Variants in FANCC observed in about 807,000 individuals in gnomAD.
FANCC encodes FA complementation group C, also known as Fanconi anemia group C protein.
Under a neutral mutation model 71.3 loss-of-function variants are expected in FANCC, and 55 were observed. That is an observed-to-expected ratio of 0.77 (90% confidence interval 0.62 to 0.97). The LOEUF (loss-of-function observed/expected upper bound fraction) is 0.97. Among genes scored for constraint, FANCC ranks in the 50% least tolerant of loss-of-function variants. The pLI is 0.00. For missense variants in FANCC, 678 were observed against 670.9 expected (o/e 1.01, Z -0.12); for synonymous variants, 275 against 244.9 (o/e 1.12, Z -1.15).
At chr9:95,117,723 ATTTTTTT>A (rs33935721) in intron 10 of FANCC, among the ~76,000 whole-genome samples, 3 of 136,822 alleles carry the variant, frequency 2.2e-5, no homozygotes, top group Non-Finnish European at 4.7e-5. Context: ...GTATTTCAGC[ATTTTTTT>A]TTTTTTTTTT....
intron 6 of FANCC, among the ~76,000 whole-genome samples, chr9:95,161,567 T>A (rs1830748141): frequency 6.6e-6 from 1 of 152,232 alleles, no homozygotes; most frequent in Non-Finnish European, 1.5e-5. Context: ...GTCTAACTGA[T>A]GTTGTTAGTT....
chr9:95,104,035 G>A lies in FANCC; in HGVS notation c.1534-2185C>T, dbSNP rs115295441. On this transcript the variant is annotated intron_variant, in intron 14 of 14. Coordinates refer to ENST00000289081, the MANE Select transcript of FANCC (RefSeq NM_000136.3). Reference sequence around the variant, plus strand: ...TGAGGGTGGAGAGACCCAAGCTGTAGGAGGGAAAGGCCGTCCCACCAAAGC... The same window carrying A: ...TGAGGGTGGAGAGACCCAAGCTGTAAGAGGGAAAGGCCGTCCCACCAAAGC... 1.4e-3 allele frequency among the ~76,000 whole-genome samples: 211 copies of A among 152,284 alleles called. 1 individual carries two copies. Among genetic ancestry groups the A allele is most frequent in the African/African-American group, 4.9e-3 (204 of 41,562 alleles).
chr9:95,259,508 G>A (rs1416864604), intron 1 of FANCC, among the ~76,000 whole-genome samples: 2 of 152,122 alleles, frequency 1.3e-5, no homozygotes, highest in African/African-American at 2.4e-5. Flanking sequence ...ACTGAATTAG[G>A]ACCCCTTCCT....
Position 95,170,396 on chromosome 9 carries a change from C to CAA in FANCC, c.521+681_521+682dup, listed in dbSNP as rs1263047970. On this transcript the variant is annotated intron_variant, in intron 6 of 14. Transcript: ENST00000289081. ...AGAGCTTGAATTAGCAATAGCTTTA[C>CAA]AAAAAAAAAAAAAAATCACCAAGTC... 3.2e-4 allele frequency among the ~76,000 whole-genome samples: 35 copies of CAA among 108,740 alleles called. 1 individual carries two copies. The highest frequency in any genetic ancestry group is 1.1e-3 in the Admixed American group (12 of 10,504). The allele number at this position is 108,740 out of a possible 152,430, so 71.3% of individuals were successfully genotyped here. A position where few individuals can be genotyped will look rare whatever the true frequency, so the allele number is the denominator to read the frequency against.
chr9:95,229,493 A>T (rs1829856648), intron 4 of FANCC, among the ~76,000 whole-genome samples: 1 of 152,070 alleles, frequency 6.6e-6, no homozygotes, highest in Non-Finnish European at 1.5e-5. Context: ...ACTTGAGGTG[A>T]GATGGGAGAG....
chr9:95,141,015 A>G (rs1828571009), intron 7 of FANCC, among the ~76,000 whole-genome samples: 1 of 152,144 alleles, frequency 6.6e-6, no homozygotes, highest in Admixed American at 6.5e-5. Context: ...TTAAGGTTAA[A>G]AAAACAGGAT....
chr9:95,123,218 G>A (rs1191782778), intron 10 of FANCC: 2 of 205,344 alleles, frequency 9.7e-6, no homozygotes, highest in African/African-American at 2.4e-5. Context: ...TGGGGGGATC[G>A]CTTGAGCCCA....
intron 4 of FANCC, among the ~76,000 whole-genome samples, chr9:95,197,666 C>T (rs1564744290): frequency 6.6e-6 from 1 of 152,212 alleles, no homozygotes; most frequent in Non-Finnish European, 1.5e-5. Context: ...ATGGCCCTCA[C>T]AGTCTGCAGG....
chr9:95,233,851 G>A (rs953711265), intron 4 of FANCC, among the ~76,000 whole-genome samples: 2 of 152,126 alleles, frequency 1.3e-5, no homozygotes, highest in Non-Finnish European at 2.9e-5. Context: ...CTCACACTAC[G>A]ACCTTAGCCA....
chr9:95,231,220 T>A (rs1027382415), intron 4 of FANCC, among the ~76,000 whole-genome samples: 1 of 152,246 alleles, frequency 6.6e-6, no homozygotes, highest in Non-Finnish European at 1.5e-5. Context: ...TTTTCTGAGA[T>A]CTATATGCAA....
chr9:95,169,221 A>T (rs1237183204), intron 6 of FANCC, among the ~76,000 whole-genome samples: 1 of 152,234 alleles, frequency 6.6e-6, no homozygotes, highest in Non-Finnish European at 1.5e-5. Flanking sequence ...GAAATTGTAA[A>T]GAAGGAAAAA....
chr9:95,130,288 G>A (rs1399756253), intron 8 of FANCC, among the ~76,000 whole-genome samples: 1 of 147,430 alleles, frequency 6.8e-6, no homozygotes, highest in Non-Finnish European at 1.5e-5. Context: ...GATTCTGTGT[G>A]TGTGTGTGTG....
At chr9:95,219,857 A>T (rs894687637) in intron 4 of FANCC, among the ~76,000 whole-genome samples, 13 of 152,172 alleles carry the variant, frequency 8.5e-5, no homozygotes, top group Admixed American at 3.3e-4. Context: ...AAGCCAAAAT[A>T]GACAAATGGG....
intron 1 of FANCC, among the ~76,000 whole-genome samples, chr9:95,290,161 G>A (rs1833921465): frequency 6.6e-6 from 1 of 152,118 alleles, no homozygotes; most frequent in South Asian, 2.1e-4. Context: ...GCAGTGGAAG[G>A]GTAATTGACC....
At chr9:95,293,289 T>C in intron 1 of FANCC, 1 of 1,613,756 alleles carries the variant, frequency 6.2e-7, no homozygotes, top group Middle Eastern at 1.7e-4. Flanking sequence ...CCTGTCTTTG[T>C]GCCTACAGCC....
intron 1 of FANCC, among the ~76,000 whole-genome samples, chr9:95,276,393 A>G (rs1833042519): frequency 6.6e-6 from 1 of 152,172 alleles, no homozygotes; most frequent in Non-Finnish European, 1.5e-5. Context: ...TCCTCTAAAT[A>G]ACAGATAATC....
At chr9:95,282,159 C>T (rs959754404) in intron 1 of FANCC, among the ~76,000 whole-genome samples, 1 of 151,740 alleles carries the variant, frequency 6.6e-6, no homozygotes, top group Admixed American at 6.6e-5. Context: ...ATACTGCCTA[C>T]AAAAGACTTG....
intron 4 of FANCC, among the ~76,000 whole-genome samples, chr9:95,211,671 C>G (rs1415127673): frequency 1.3e-5 from 2 of 152,002 alleles, no homozygotes; most frequent in African/African-American, 4.8e-5. Context: ...GTTCATAATA[C>G]CTGGCATCTA....
At chr9:95,134,068 C>T (rs1177277767) in intron 8 of FANCC, among the ~76,000 whole-genome samples, 1 of 152,150 alleles carries the variant, frequency 6.6e-6, no homozygotes, top group Non-Finnish European at 1.5e-5. Context: ...ACTTTCAAGT[C>T]AGGTGGGATC....
Sources: gnomAD v4.1 joint callset for allele counts (sites outside exome capture counted in the v4.1 genomes callset) on GRCh38, gnomAD v4.1.1 for gene constraint, MANE v1.5 for transcripts, NCBI Gene and HGNC (gene_info 2026-07-23, HGNC 2026-07-21) for gene names.